TMTC2: variants seen among roughly 807,000 people sequenced by gnomAD.
The protein encoded by TMTC2 is protein O-mannosyl-transferase TMTC2.
TMTC2 carries 43 observed loss-of-function variants against 82.4 expected under a neutral mutation model. The observed-to-expected ratio is 0.52, with a 90% CI of 0.41 to 0.67. TMTC2 has a LOEUF of 0.67. TMTC2 is among the 30% of genes least tolerant of loss of function. The pLI, the probability that TMTC2 is intolerant of heterozygous loss-of-function variation, is 0.00. For synonymous variants in TMTC2, 408 were observed against 381.9 expected (o/e 1.07, Z -0.80); for missense variants, 919 against 1,012.4 (o/e 0.91, Z 1.25).
chr12:82,961,024 C>T (rs547495051), intron 4 of TMTC2, among the ~76,000 whole-genome samples: 1 of 151,738 alleles, frequency 6.6e-6, no homozygotes, highest in East Asian at 1.9e-4. Flanking sequence ...CACCTTCTTA[C>T]CTGTTGTTTG....
At chr12:82,846,973 C>G (rs1870719670) in intron 1 of TMTC2, among the ~76,000 whole-genome samples, 1 of 152,036 alleles carries the variant, frequency 6.6e-6, no homozygotes, top group Non-Finnish European at 1.5e-5. Context: ...GACCTAGAAA[C>G]CTAACACTGC....
intron 4 of TMTC2, among the ~76,000 whole-genome samples, chr12:82,963,154 A>T (rs1304094864): frequency 1.3e-5 from 2 of 152,030 alleles, no homozygotes; most frequent in Non-Finnish European, 2.9e-5. Context: ...ACCACAGACC[A>T]TTCTTAAAGA....
intron 1 of TMTC2, 117 bp from the exon 2 acceptor site, chr12:82,856,893 C>T: frequency 1.0e-6 from 1 of 988,022 alleles, no homozygotes; most frequent in East Asian, 2.4e-5. Flanking sequence ...GCCTGGAATC[C>T]CATCACAAAG....
At chr12:83,045,133 A>G (rs1302021299) in intron 9 of TMTC2, among the ~76,000 whole-genome samples, 10 of 152,108 alleles carry the variant, frequency 6.6e-5, no homozygotes, top group Admixed American at 6.5e-4. Context: ...TCAATACAAA[A>G]CAATTGCTCT....
chr12:83,034,574 A>G (rs1416792453), intron 9 of TMTC2, among the ~76,000 whole-genome samples: 1 of 152,216 alleles, frequency 6.6e-6, no homozygotes, highest in Non-Finnish European at 1.5e-5. Flanking sequence ...AACTCTGTAG[A>G]TAGTTGTTGC....
At position 82,740,726 on chromosome 12, in the gene TMTC2, C is replaced by A. The variant is rs367884314; in HGVS notation, c.83+53057C>A. Among the ~76,000 whole-genome samples the A allele has an allele frequency of 2.1e-3, 316 of 152,264 alleles. 1 individual carries two copies. The South Asian group carries it at 0.023, about 11-fold the overall frequency. ...GCCACAGACTTTCTCTATCTGTGAC[C>A]CTCCCTCTCAGGAAGGATTCACAAT... is the stretch of plus-strand genomic sequence containing the variant. On this transcript the variant is annotated intron_variant, in intron 1 of 11. Coordinates refer to ENST00000321196, the MANE Select transcript of TMTC2 (RefSeq NM_152588.3).
At chr12:82,966,824 G>T in intron 6 of TMTC2, 95 bp from the exon 7 acceptor site, 1 of 848,234 alleles carries the variant, frequency 1.2e-6, no homozygotes, top group Non-Finnish European at 1.8e-6. Context: ...AGCAGTGGAT[G>T]GTTTTAACTT....
intron 3 of TMTC2, among the ~76,000 whole-genome samples, chr12:82,896,921 A>T (rs920904194): frequency 3.2e-4 from 49 of 152,190 alleles, no homozygotes; most frequent in Non-Finnish European, 7.3e-5. Context: ...AACAATATTG[A>T]CTATTCCAAG....
chr12:82,946,725 T>C (rs527720579), intron 4 of TMTC2, among the ~76,000 whole-genome samples: 1 of 147,598 alleles, frequency 6.8e-6, no homozygotes, highest in Non-Finnish European at 1.5e-5. Context: ...ACTCAGAGAG[T>C]AGGCATGCAC....
At chr12:82,900,777 T>C (rs527429780) in intron 3 of TMTC2, among the ~76,000 whole-genome samples, 1 of 131,876 alleles carries the variant, frequency 7.6e-6, no homozygotes, top group Admixed American at 8.2e-5. Context: ...GAGAGGTATA[T>C]ATATAGGAAT....
chr12:82,708,609 C>T (rs1227938092), intron 1 of TMTC2, among the ~76,000 whole-genome samples: 1 of 152,176 alleles, frequency 6.6e-6, no homozygotes, highest in Admixed American at 6.5e-5. Context: ...CCCATCAGCC[C>T]CTGTCACGTG....
At chr12:82,756,119 G>T (rs1422914414) in intron 1 of TMTC2, among the ~76,000 whole-genome samples, 1 of 151,922 alleles carries the variant, frequency 6.6e-6, no homozygotes, top group East Asian at 1.9e-4. Context: ...TCTAATCATA[G>T]GTTGATTATC....
At chr12:82,834,283 C>T (rs1395741010) in intron 1 of TMTC2, among the ~76,000 whole-genome samples, 7 of 152,174 alleles carry the variant, frequency 4.6e-5, no homozygotes, top group South Asian at 2.1e-4. Context: ...TGTGATTATC[C>T]GTCTTAGAGG....
At chr12:82,925,659 A>T (rs1875661805) in intron 3 of TMTC2, among the ~76,000 whole-genome samples, 1 of 152,160 alleles carries the variant, frequency 6.6e-6, no homozygotes, top group Non-Finnish European at 1.5e-5. Flanking sequence ...TATATCTGTT[A>T]TGGTAATCTG....
chr12:82,952,702 T>C (rs112366860), intron 4 of TMTC2, among the ~76,000 whole-genome samples: 12,875 of 152,018 alleles, frequency 0.085, 674 homozygotes, highest in African/African-American at 0.13. Flanking sequence ...CATGCCACCA[T>C]GCCCTGCTAA....
At chr12:83,005,861 A>G (rs558628004) in intron 8 of TMTC2, among the ~76,000 whole-genome samples, 1 of 152,334 alleles carries the variant, frequency 6.6e-6, no homozygotes, top group South Asian at 2.1e-4. Context: ...TTGATATCTT[A>G]GGAAAGACAG....
intron 2 of TMTC2, among the ~76,000 whole-genome samples, chr12:82,882,151 C>T (rs565511331): frequency 1.0e-4 from 15 of 150,070 alleles, no homozygotes; most frequent in South Asian, 2.1e-4. Context: ...AGGCGCCCGC[C>T]ACTACGCCCA....
At chr12:83,057,424 C>T (rs1343325138) in intron 10 of TMTC2, among the ~76,000 whole-genome samples, 1 of 151,904 alleles carries the variant, frequency 6.6e-6, no homozygotes, top group Non-Finnish European at 1.5e-5. Flanking sequence ...TCTAAGAAGG[C>T]TTAATGGTCA....
intron 11 of TMTC2, among the ~76,000 whole-genome samples, chr12:83,114,759 G>A (rs1421289238): frequency 6.6e-6 from 1 of 151,954 alleles, no homozygotes; most frequent in African/African-American, 2.4e-5. Context: ...CATCTGTTGA[G>A]TCTTTACCCC....
Sources: gnomAD v4.1 joint callset for allele counts (sites outside exome capture counted in the v4.1 genomes callset) on GRCh38, gnomAD v4.1.1 for gene constraint, MANE v1.5 for transcripts, NCBI Gene and HGNC (gene_info 2026-07-23, HGNC 2026-07-21) for gene names.